Variants in ZBTB20 observed in about 807,000 individuals in gnomAD.
The protein encoded by ZBTB20 is zinc finger and BTB domain containing 20.
ZBTB20 carries 9 observed loss-of-function variants against 56.9 expected under a neutral mutation model. The ratio of observed to expected loss-of-function variants is 0.16; its 90% CI spans 0.10 to 0.28. The LOEUF is 0.28. Ranked by LOEUF, ZBTB20 falls within the 10% of genes least tolerant of loss-of-function variation. The probability of loss-of-function intolerance (pLI) is 1.00; values close to 1 mark genes in which losing one functional copy is unlikely to be tolerated. For missense variants in ZBTB20, 655 were observed against 1,003.0 expected (o/e 0.65, Z 4.69); for synonymous variants, 417 against 420.7 (o/e 0.99, Z 0.11).
At chr3:114,374,414 A>G (rs534460798) in intron 10 of ZBTB20, among the ~76,000 whole-genome samples, 2 of 152,360 alleles carry the variant, frequency 1.3e-5, no homozygotes, top group East Asian at 1.9e-4. Flanking sequence ...AAGCCATTGG[A>G]TAGTAACTGT....
chr3:114,584,853 A>T (rs1056875797), intron 6 of ZBTB20, among the ~76,000 whole-genome samples: 1 of 152,192 alleles, frequency 6.6e-6, no homozygotes, highest in Non-Finnish European at 1.5e-5. Flanking sequence ...CAGACAAAAC[A>T]CTATCAGTGT....
intron 4 of ZBTB20, among the ~76,000 whole-genome samples, chr3:114,834,321 G>A (rs1315698295): frequency 3.3e-5 from 5 of 152,044 alleles, no homozygotes; most frequent in African/African-American, 1.2e-4. Context: ...GACAAAACCA[G>A]AGACAAGCCC....
intron 4 of ZBTB20, among the ~76,000 whole-genome samples, chr3:114,823,181 T>G (rs993625807): frequency 6.6e-6 from 1 of 152,092 alleles, no homozygotes; most frequent in African/African-American, 2.4e-5. Flanking sequence ...TCCCACTGAT[T>G]AACACAGAGA....
At chr3:114,526,534 T>C (rs906227555) in intron 6 of ZBTB20, among the ~76,000 whole-genome samples, 3 of 152,106 alleles carry the variant, frequency 2.0e-5, no homozygotes, top group Non-Finnish European at 4.4e-5. Flanking sequence ...ATAATAATAA[T>C]AGCCCACTGT....
intron 2 of ZBTB20, among the ~76,000 whole-genome samples, chr3:115,021,322 C>T (rs2080194165): frequency 6.6e-6 from 1 of 150,748 alleles, no homozygotes; most frequent in Admixed American, 6.6e-5. Context: ...CAAAAGCAAG[C>T]TTACTTACTG....
intron 6 of ZBTB20, among the ~76,000 whole-genome samples, chr3:114,598,976 G>GA (rs2056550129): frequency 6.6e-6 from 1 of 151,962 alleles, no homozygotes; most frequent in African/African-American, 2.4e-5. Flanking sequence ...TAACGGGGGG[G>GA]GACCCAAAAC....
chr3:114,988,390 T>A (rs1210320001), intron 2 of ZBTB20, among the ~76,000 whole-genome samples: 1 of 151,934 alleles, frequency 6.6e-6, no homozygotes, highest in Non-Finnish European at 1.5e-5. Flanking sequence ...CTGAGAATGA[T>A]GGTTTCCAGC....
chr3:115,036,699 C>T (rs953130353), intron 2 of ZBTB20, among the ~76,000 whole-genome samples: 4 of 152,070 alleles, frequency 2.6e-5, no homozygotes, highest in Non-Finnish European at 4.4e-5. Context: ...AGGTGTGCAC[C>T]GCAGCGCCCG....
Position 114,971,521 on chromosome 3 carries a change from G to A in ZBTB20, c.-456+2845C>T, listed in dbSNP as rs990228689. On this transcript the variant is annotated intron_variant, in intron 3 of 11. Transcript: ENST00000675478. ...GTTAATAATTCCTTAATCAAATCTT[G>A]TAACTAATGAAAAAACACTAGTTTA... 3.7e-4 allele frequency among the ~76,000 whole-genome samples: 56 copies of A among 152,150 alleles called. 1 individual carries two copies. The highest frequency in any genetic ancestry group is 1.4e-3 in the African/African-American group (56 of 41,428).
intron 1 of ZBTB20, among the ~76,000 whole-genome samples, chr3:115,145,072 T>C (rs1052314032): frequency 1.3e-5 from 2 of 152,210 alleles, no homozygotes; most frequent in African/African-American, 4.8e-5. Flanking sequence ...AACCCCAATC[T>C]TGAAAATTAA....
In ZBTB20 at chr3:114,477,652, C is replaced by T. The variant is rs376299676; in HGVS notation, c.-255+22700G>A. On this transcript the variant is annotated intron_variant, in intron 7 of 11. Transcript: ENST00000675478. Reference sequence around the variant, plus strand: ...CTGGGATTACAGGCGCCCAACACCACGCCTGGCTAATTTTGTATTTTTAGT... The same window carrying T: ...CTGGGATTACAGGCGCCCAACACCATGCCTGGCTAATTTTGTATTTTTAGT... Among the ~76,000 whole-genome samples the T allele has an allele frequency of 2.2e-4, 33 of 151,910 alleles. 1 individual carries two copies. The East Asian group carries it at 5.4e-3, about 25-fold the overall frequency.
intron 2 of ZBTB20, among the ~76,000 whole-genome samples, chr3:115,007,810 C>G (rs1389451139): frequency 6.6e-6 from 1 of 151,804 alleles, no homozygotes; most frequent in Non-Finnish European, 1.5e-5. Flanking sequence ...ACAAGACGGT[C>G]AAATCCAATT....
chr3:115,129,588 T>A (rs1471251250), intron 1 of ZBTB20, among the ~76,000 whole-genome samples: 2 of 152,240 alleles, frequency 1.3e-5, no homozygotes. Flanking sequence ...CACTTTTAAG[T>A]ACAGCTATAA....
intron 6 of ZBTB20, among the ~76,000 whole-genome samples, chr3:114,572,074 C>T (rs1253970258): frequency 6.6e-6 from 1 of 151,422 alleles, no homozygotes; most frequent in Non-Finnish European, 1.5e-5. Context: ...CAGCAAACTA[C>T]GAGACAAAGA....
chr3:114,793,053 A>G (rs550427170), intron 5 of ZBTB20, among the ~76,000 whole-genome samples: 60 of 150,734 alleles, frequency 4.0e-4, no homozygotes, highest in Admixed American at 1.7e-3. Flanking sequence ...TTTTTTTTAT[A>G]TTTTTTAGTA....
At chr3:114,875,144 G>A (rs932188057) in intron 4 of ZBTB20, among the ~76,000 whole-genome samples, 2 of 151,976 alleles carry the variant, frequency 1.3e-5, no homozygotes, top group South Asian at 4.2e-4. Flanking sequence ...TGCTCTCCTC[G>A]TGTGCTTCAA....
chr3:115,004,736 A>G (rs1280053632), intron 2 of ZBTB20, among the ~76,000 whole-genome samples: 3 of 151,754 alleles, frequency 2.0e-5, no homozygotes, highest in Admixed American at 6.6e-5. Context: ...AGACATATTT[A>G]TAATATAATT....
chr3:114,997,081 C>T (rs909300027), intron 2 of ZBTB20, among the ~76,000 whole-genome samples: 1 of 151,810 alleles, frequency 6.6e-6, no homozygotes, highest in African/African-American at 2.4e-5. Context: ...GTGGCAATTC[C>T]TCAAGAATGG....
At chr3:114,484,169 T>C (rs80298806) in intron 7 of ZBTB20, among the ~76,000 whole-genome samples, 59 of 152,308 alleles carry the variant, frequency 3.9e-4, no homozygotes, top group African/African-American at 1.3e-3. Context: ...TTGTGCATTG[T>C]TTCTATATGG....
Sources: gnomAD v4.1 joint callset for allele counts (sites outside exome capture counted in the v4.1 genomes callset) on GRCh38, gnomAD v4.1.1 for gene constraint, MANE v1.5 for transcripts, NCBI Gene and HGNC (gene_info 2026-07-23, HGNC 2026-07-21) for gene names.